The following ZNF521 variants were observed in gnomAD, a reference collection of about 807,000 sequenced individuals.
ZNF521 encodes the protein zinc finger protein 521, also known as LYST-interacting protein 3.
A neutral mutation model predicts 105.5 loss-of-function variants in ZNF521; 14 were observed. The ratio of observed to expected loss-of-function variants is 0.13; its 90% confidence interval spans 0.09 to 0.21. The LOEUF (loss-of-function observed/expected upper bound fraction) is 0.21. Ranked by LOEUF, ZNF521 falls within the 10% of genes least tolerant of loss-of-function variation. ZNF521 has a pLI of 1.00. For synonymous variants in ZNF521, 635 were observed against 606.0 expected, an observed-to-expected ratio of 1.05 and a Z score of -0.70; for missense variants, 1,233 against 1,629.7, an observed-to-expected ratio of 0.76 and a Z score of 4.19.
At chr18:25,319,597 A>C (rs964403517) in intron 3 of ZNF521, among the ~76,000 whole-genome samples, 1 of 85,594 alleles carries the variant, frequency 1.2e-5, no homozygotes, top group Non-Finnish European at 2.8e-5. Flanking sequence ...CTCCATCACA[A>C]AAAAAAAAAA....
intron 5 of ZNF521, among the ~76,000 whole-genome samples, chr18:25,128,707 T>C (rs1028260639): frequency 3.9e-5 from 6 of 152,000 alleles, no homozygotes; most frequent in African/African-American, 1.4e-4. Context: ...TTCATATTAA[T>C]TTCAAAAAAT....
chr18:25,151,364 A>G (rs1329576913), intron 5 of ZNF521, among the ~76,000 whole-genome samples: 1 of 152,170 alleles, frequency 6.6e-6, no homozygotes, highest in East Asian at 1.9e-4. Flanking sequence ...ATGTTCATTT[A>G]ATCACTTCTG....
chr18:25,093,076 C>T (rs1476284286), intron 5 of ZNF521, among the ~76,000 whole-genome samples: 2 of 152,110 alleles, frequency 1.3e-5, no homozygotes, highest in Non-Finnish European at 2.9e-5. Context: ...CACTAAAACC[C>T]TATGAGAAAA....
intron 5 of ZNF521, among the ~76,000 whole-genome samples, chr18:25,131,925 G>T (rs1249093549): frequency 6.6e-6 from 1 of 152,036 alleles, no homozygotes; most frequent in Admixed American, 6.6e-5. Flanking sequence ...GTCCTTCATT[G>T]ACATTGTCGC....
At chr18:25,179,417 T>G (rs181472996) in intron 5 of ZNF521, among the ~76,000 whole-genome samples, 20 of 152,130 alleles carry the variant, frequency 1.3e-4, no homozygotes, top group Admixed American at 3.9e-4. Flanking sequence ...AGGTTTGAGA[T>G]GGCACTCACA....
At chr18:25,142,183 T>G (rs938465330) in intron 5 of ZNF521, among the ~76,000 whole-genome samples, 3 of 152,038 alleles carry the variant, frequency 2.0e-5, no homozygotes, top group Non-Finnish European at 2.9e-5. Context: ...GCACAGCACC[T>G]CATCAAATAA....
intron 7 of ZNF521, among the ~76,000 whole-genome samples, chr18:25,086,204 T>C (rs1053892557): frequency 6.6e-6 from 1 of 152,158 alleles, no homozygotes; most frequent in African/African-American, 2.4e-5. Context: ...TTTTCTATTG[T>C]CACCTGAATT....
At chr18:25,104,541 T>C (rs1178597078) in intron 5 of ZNF521, among the ~76,000 whole-genome samples, 2 of 152,220 alleles carry the variant, frequency 1.3e-5, no homozygotes, top group Non-Finnish European at 2.9e-5. Flanking sequence ...GGACAGAAAG[T>C]GACCTATAGG....
At chr18:25,117,571 G>A (rs1192999901) in intron 5 of ZNF521, among the ~76,000 whole-genome samples, 1 of 151,928 alleles carries the variant, frequency 6.6e-6, no homozygotes, top group Non-Finnish European at 1.5e-5. Flanking sequence ...AATCACAAAA[G>A]AGGAAAAATA....
At chr18:25,116,888 CGTATATATAT>C (rs371245745) in intron 5 of ZNF521, among the ~76,000 whole-genome samples, 60,195 of 133,694 alleles carry the variant, frequency 0.45, 13,948 homozygotes, top group Non-Finnish European at 0.55. Flanking sequence ...TATATATATA[CGTATATATAT>C]ATGTGTATAT....
At chr18:25,155,276 T>G (rs959683728) in intron 5 of ZNF521, among the ~76,000 whole-genome samples, 1 of 152,194 alleles carries the variant, frequency 6.6e-6, no homozygotes, top group African/African-American at 2.4e-5. Context: ...TTGAGTTGTA[T>G]GAGTTCTTTA....
At chr18:25,212,538 A>AAAAAATATAT (rs1555647923) in intron 4 of ZNF521, among the ~76,000 whole-genome samples, 2 of 48,140 alleles carry the variant, frequency 4.2e-5, no homozygotes, top group African/African-American at 1.3e-4. Context: ...AAAAAAAAAA[A>AAAAAATATAT]ATATATATAT....
intron 7 of ZNF521, among the ~76,000 whole-genome samples, chr18:25,071,970 C>T (rs1251660009): frequency 1.3e-5 from 2 of 152,118 alleles, no homozygotes; most frequent in East Asian, 3.9e-4. Context: ...AGCTGAGAAC[C>T]AGAGGGCAGA....
At chr18:25,329,557 G>T (rs948553477) in intron 2 of ZNF521, among the ~76,000 whole-genome samples, 2 of 152,134 alleles carry the variant, frequency 1.3e-5, no homozygotes, top group African/African-American at 4.8e-5. Context: ...AAAACAACAT[G>T]ATGACTTCAA....
chr18:25,274,582 A>G (rs889283174), intron 3 of ZNF521, among the ~76,000 whole-genome samples: 1 of 152,244 alleles, frequency 6.6e-6, no homozygotes, highest in Non-Finnish European at 1.5e-5. Flanking sequence ...CAACACAACA[A>G]AATGGAAACA....
intron 5 of ZNF521, among the ~76,000 whole-genome samples, chr18:25,168,933 ATGAC>A (rs1182815161): frequency 6.8e-6 from 1 of 146,688 alleles, no homozygotes; most frequent in Non-Finnish European, 1.5e-5. Context: ...GGGTCCTACA[ATGAC>A]TGGTTTCTGT....
At chr18:25,084,073 T>C (rs1439467223) in intron 7 of ZNF521, among the ~76,000 whole-genome samples, 1 of 150,960 alleles carries the variant, frequency 6.6e-6, no homozygotes, top group African/African-American at 2.4e-5. Flanking sequence ...CATGAGCCAC[T>C]GTGCCTGGCC....
At chr18:25,343,395 C>T (rs1914316287) in intron 2 of ZNF521, among the ~76,000 whole-genome samples, 1 of 152,162 alleles carries the variant, frequency 6.6e-6, no homozygotes, top group African/African-American at 2.4e-5. Flanking sequence ...AAACAAAGTG[C>T]ATTTCCTACA....
intron 5 of ZNF521, among the ~76,000 whole-genome samples, chr18:25,162,453 C>T (rs909528530): frequency 6.6e-6 from 1 of 152,202 alleles, no homozygotes; most frequent in Non-Finnish European, 1.5e-5. Flanking sequence ...GGCATCACTA[C>T]ATCTATTTCT....
Sources: allele counts gnomAD v4.1 joint callset (sites outside exome capture counted in the v4.1 genomes callset), GRCh38; gene constraint gnomAD v4.1.1; transcripts MANE v1.5; gene names NCBI Gene and HGNC (gene_info 2026-07-23, HGNC 2026-07-21).